Variants in DENND1A observed in about 807,000 individuals in gnomAD.
DENND1A encodes DENN domain containing 1A.
A neutral mutation model predicts 113.7 loss-of-function variants in DENND1A; 51 were observed. That is an observed-to-expected ratio of 0.45 (90% CI 0.36 to 0.57). The LOEUF is 0.57. DENND1A is among the 20% of genes least tolerant of loss of function. The pLI is 0.00. For missense variants in DENND1A, 1,258 were observed against 1,395.9 expected (o/e 0.90, Z 1.57); for synonymous variants, 565 against 570.8 (o/e 0.99, Z 0.14).
At chr9:123,606,966 A>C (rs552762734) in intron 11 of DENND1A, among the ~76,000 whole-genome samples, 1 of 152,212 alleles carries the variant, frequency 6.6e-6, no homozygotes, top group African/African-American at 2.4e-5. Flanking sequence ...GGGAATGTGG[A>C]TATGTTTAGG....
At chr9:123,529,026 T>C (rs1211854506) in intron 13 of DENND1A, among the ~76,000 whole-genome samples, 3 of 152,252 alleles carry the variant, frequency 2.0e-5, no homozygotes, top group Admixed American at 6.5e-5. Flanking sequence ...TAGCAGCTTC[T>C]TTCATTATAG....
At chr9:123,599,214 T>C (rs748576620) in intron 11 of DENND1A, among the ~76,000 whole-genome samples, 7 of 152,240 alleles carry the variant, frequency 4.6e-5, no homozygotes, top group Non-Finnish European at 7.3e-5. Context: ...CTAAACGGCA[T>C]ATCTCTTAAG....
chr9:123,540,566 GA>G (rs1161431896), intron 13 of DENND1A, among the ~76,000 whole-genome samples: 5 of 152,194 alleles, frequency 3.3e-5, no homozygotes, highest in African/African-American at 1.2e-4. Context: ...AAAAAGAAGT[GA>G]TGAGTTCCTT....
At chr9:123,698,637 T>C (rs1240688011) in intron 5 of DENND1A, among the ~76,000 whole-genome samples, 3 of 152,214 alleles carry the variant, frequency 2.0e-5, no homozygotes, top group African/African-American at 7.2e-5. Flanking sequence ...AACATGAGTC[T>C]AACCACCAAA....
intron 13 of DENND1A, among the ~76,000 whole-genome samples, chr9:123,460,448 G>A (rs368147432): frequency 1.3e-5 from 2 of 152,112 alleles, no homozygotes; most frequent in Non-Finnish European, 1.5e-5. Flanking sequence ...ACACCTTTCC[G>A]AAGCTCTATA....
At chr9:123,843,756 A>G (rs1257081354) in intron 2 of DENND1A, 1 of 153,470 alleles carries the variant, frequency 6.5e-6, no homozygotes, top group African/African-American at 2.4e-5. Context: ...ATATAATCAA[A>G]GTCAAGTAGT....
chr9:123,732,560 T>C (rs2068253469), intron 5 of DENND1A, among the ~76,000 whole-genome samples: 1 of 152,256 alleles, frequency 6.6e-6, no homozygotes, highest in East Asian at 1.9e-4. Context: ...ACAAGAGAAC[T>C]GGAGTGGGAG....
rs1437724805 is a variant in DENND1A, at chr9:123,757,579, AG to A, written c.302+123del. Reference sequence around the variant, plus strand: ...CTGTGAAGTCCTTCTCCCCAAATGCAGTGACTTGTGGGAAACAGATAGGAAA... The same window carrying A: ...CTGTGAAGTCCTTCTCCCCAAATGCATGACTTGTGGGAAACAGATAGGAAA... On this transcript the variant is annotated intron_variant, in intron 5 of 23. Coordinates refer to ENST00000394215, the MANE Select transcript of DENND1A (RefSeq NM_001352964.2). 4.4e-6 allele frequency: 6 copies of A among 1,371,596 alleles called. No homozygotes were observed. The African/African-American group carries it at 5.8e-5, about 13-fold the overall frequency. 85.0% of individuals were successfully genotyped at this position (1,371,596 alleles called of 1,614,324 possible).
At chr9:123,404,242 GAC>G (rs1386119717) in intron 20 of DENND1A, among the ~76,000 whole-genome samples, 2 of 152,196 alleles carry the variant, frequency 1.3e-5, no homozygotes, top group Admixed American at 1.3e-4. Context: ...CACAGAGAAA[GAC>G]ACCCTCATCC....
chr9:123,457,518 C>T (rs1353944430), intron 14 of DENND1A, 83 bp from the exon 15 acceptor site: 2 of 1,161,350 alleles, frequency 1.7e-6, no homozygotes, highest in East Asian at 4.7e-5. Context: ...TTACTGTATC[C>T]AAGGTAGGAG....
intron 12 of DENND1A, among the ~76,000 whole-genome samples, chr9:123,571,906 A>G (rs2058376846): frequency 6.6e-6 from 1 of 152,116 alleles, no homozygotes; most frequent in African/African-American, 2.4e-5. Context: ...ACCGTATTGT[A>G]CTCCCATCAG....
intron 2 of DENND1A, among the ~76,000 whole-genome samples, chr9:123,817,344 A>T (rs1319426233): frequency 1.3e-5 from 2 of 152,212 alleles, no homozygotes; most frequent in African/African-American, 4.8e-5. Context: ...TAAAAAAGAT[A>T]AATGTGTTGG....
At chr9:123,635,937 T>G (rs1176191479) in intron 9 of DENND1A, among the ~76,000 whole-genome samples, 2 of 152,228 alleles carry the variant, frequency 1.3e-5, no homozygotes, top group East Asian at 3.8e-4. Flanking sequence ...AATAAGAGAC[T>G]AGGCTACAAG....
chr9:123,894,851 C>G (rs1850472069), intron 1 of DENND1A, among the ~76,000 whole-genome samples: 1 of 152,170 alleles, frequency 6.6e-6, no homozygotes. Context: ...TGAGCTACAG[C>G]ATTCAAGAGA....
At chr9:123,734,054 G>C (rs1046918444) in intron 5 of DENND1A, among the ~76,000 whole-genome samples, 2 of 151,540 alleles carry the variant, frequency 1.3e-5, no homozygotes, top group Non-Finnish European at 2.9e-5. Flanking sequence ...CTGTAGCCTC[G>C]AACTCCTGGA....
intron 13 of DENND1A, among the ~76,000 whole-genome samples, chr9:123,479,405 A>G (rs1281666850): frequency 1.3e-5 from 2 of 152,234 alleles, no homozygotes; most frequent in South Asian, 2.1e-4. Flanking sequence ...AAGCTGGGAA[A>G]TGGATGGCTG....
At chr9:123,914,738 G>T (rs559535363) in intron 1 of DENND1A, among the ~76,000 whole-genome samples, 120 of 151,672 alleles carry the variant, frequency 7.9e-4, no homozygotes, top group African/African-American at 2.8e-3. Flanking sequence ...GGGAGGGAGG[G>T]GGAGGAGCCA....
chr9:123,896,446 G>A (rs185277967), intron 1 of DENND1A, among the ~76,000 whole-genome samples: 39 of 152,118 alleles, frequency 2.6e-4, no homozygotes, highest in African/African-American at 8.9e-4. Flanking sequence ...CTTCAAACTC[G>A]GCTTCAAAAT....
intron 3 of DENND1A, among the ~76,000 whole-genome samples, chr9:123,770,703 T>C (rs184550940): frequency 6.6e-6 from 1 of 152,342 alleles, no homozygotes; most frequent in Admixed American, 6.5e-5. Context: ...CATTTTTCAG[T>C]CATTGAAAAG....
Sources: allele counts gnomAD v4.1 joint callset (sites outside exome capture counted in the v4.1 genomes callset), GRCh38; gene constraint gnomAD v4.1.1; transcripts MANE v1.5; gene names NCBI Gene and HGNC (gene_info 2026-07-23, HGNC 2026-07-21).